The following XRCC4 variants were observed in gnomAD, a reference collection of about 807,000 sequenced individuals.
The protein encoded by XRCC4 is X-ray repair cross complementing 4, also known as DNA repair protein XRCC4.
In XRCC4, 28 loss-of-function variants were observed where a neutral mutation model predicts 39.1. The ratio of observed to expected loss-of-function variants is 0.72; its 90% CI spans 0.53 to 0.98. XRCC4 has a LOEUF of 0.98. Ranked by LOEUF, XRCC4 falls within the 50% of genes least tolerant of loss-of-function variation. The pLI is 0.00. For synonymous variants in XRCC4, 123 were observed against 126.4 expected (o/e 0.97, Z 0.18); for missense variants, 350 against 376.4 (o/e 0.93, Z 0.58).
chr5:83,125,986 CAAAAAAAAAA>C (rs35711158), intron 3 of XRCC4, among the ~76,000 whole-genome samples: 2 of 108,456 alleles, frequency 1.8e-5, no homozygotes, highest in South Asian at 6.3e-4. Flanking sequence ...TCCATCTCAT[CAAAAAAAAAA>C]AAAAAAAAAA....
At chr5:83,155,467 A>G (rs1311064419) in intron 3 of XRCC4, among the ~76,000 whole-genome samples, 1 of 152,190 alleles carries the variant, frequency 6.6e-6, no homozygotes, top group Non-Finnish European at 1.5e-5. Context: ...GTGGTATTAC[A>G]TGATGTGAAA....
chr5:83,366,402 C>A, the XRCC4 span, among the ~76,000 whole-genome samples: 1 of 152,144 alleles, frequency 6.6e-6, no homozygotes, highest in South Asian at 2.1e-4. Context: ...AAAAATACAC[C>A]CAGAATTAAA....
Position 83,087,955 on chromosome 5 carries a change from T to C in XRCC4, c.-11+10340T>C, listed in dbSNP as rs552864366. Among the ~76,000 whole-genome samples, 76 of 152,306 alleles carry C rather than the reference T, an allele frequency of 5.0e-4. 1 individual carries two copies. The highest frequency in any genetic ancestry group is 1.8e-3 in the African/African-American group (75 of 41,574). ...ATGCAGGCAGAATTGAATTTAATAA[T>C]ATACATTTCAATTGTTAAGGAAAAA... is the stretch of plus-strand genomic sequence containing the variant. On this transcript the variant is annotated intron_variant, in intron 1 of 7. Transcript: ENST00000396027.
Position 83,324,611 on chromosome 5 carries a change from G to A in XRCC4, c.894-28520G>A, listed in dbSNP as rs531328515. The stretch of plus-strand genomic sequence containing the variant: ...GCCATTTCTGTAGCTTTTTAGTGTA[G>A]CTAAAAGAAGGAAAATATAGTTTTT... On this transcript the variant is annotated intron_variant, in intron 7 of 7. Coordinates refer to ENST00000396027, the MANE Select transcript of XRCC4 (RefSeq NM_003401.5). Among the ~76,000 whole-genome samples, 130 of 152,154 alleles carry A rather than the reference G, an allele frequency of 8.5e-4. 1 individual carries two copies. The South Asian group carries it at 0.026, about 30-fold the overall frequency.
At chr5:83,353,055 T>C in intron 7 of XRCC4, 76 bp from the exon 8 acceptor site, 1 of 1,146,434 alleles carries the variant, frequency 8.7e-7, no homozygotes, top group Non-Finnish European at 1.2e-6. Context: ...TTCACTTATG[T>C]GTCTCTTCAT....
At chr5:83,311,007 A>T (rs567017429) in intron 7 of XRCC4, 1 of 313,616 alleles carries the variant, frequency 3.2e-6, no homozygotes, top group Admixed American at 4.1e-5. Flanking sequence ...GCCCCATAAC[A>T]GTCATTTCAG....
chr5:83,206,645 T>A (rs957171353), intron 6 of XRCC4, among the ~76,000 whole-genome samples: 2 of 151,912 alleles, frequency 1.3e-5, no homozygotes, highest in Admixed American at 6.6e-5. Flanking sequence ...GAGGAGGAAG[T>A]AGGATAAAGA....
chr5:83,253,811 C>G (rs1753420567), intron 6 of XRCC4, among the ~76,000 whole-genome samples: 1 of 152,172 alleles, frequency 6.6e-6, no homozygotes, highest in South Asian at 2.1e-4. Flanking sequence ...GCTTAGCCAA[C>G]AGTGTCATTT....
At chr5:83,304,150 C>G (rs1229722039) in intron 7 of XRCC4, among the ~76,000 whole-genome samples, 1 of 151,490 alleles carries the variant, frequency 6.6e-6, no homozygotes, top group East Asian at 1.9e-4. Flanking sequence ...GAATCATCTG[C>G]CCAAAATTAC....
At chr5:83,324,641 T>A (rs896251879) in intron 7 of XRCC4, among the ~76,000 whole-genome samples, 1 of 152,138 alleles carries the variant, frequency 6.6e-6, no homozygotes, top group Non-Finnish European at 1.5e-5. Context: ...GTTTTTAGTA[T>A]TCTAGGAAGA....
Position 83,233,653 on chromosome 5 carries a change from C to T in XRCC4, c.746-24877C>T, listed in dbSNP as rs368116326. ...CTGTAATCCCAACACTTTGGGAGGC[C>T]AAGGCAGGTGGATCATTTGAAATCA... On this transcript the variant is annotated intron_variant, in intron 6 of 7. Coordinates refer to ENST00000396027, the MANE Select transcript of XRCC4 (RefSeq NM_003401.5). 2.6e-4 allele frequency among the ~76,000 whole-genome samples: 39 copies of T among 149,082 alleles called. No individual in the cohort carries two copies. The East Asian group carries it at 7.3e-3, about 28-fold the overall frequency.
chr5:83,316,180 G>A (rs1397547085), intron 7 of XRCC4, among the ~76,000 whole-genome samples: 2 of 152,056 alleles, frequency 1.3e-5, no homozygotes, highest in Non-Finnish European at 2.9e-5. Context: ...ACTAGAATTA[G>A]AAGTGTAGTC....
chr5:83,111,950 A>T (rs1376861994), intron 3 of XRCC4, among the ~76,000 whole-genome samples: 1 of 152,166 alleles, frequency 6.6e-6, no homozygotes, highest in Non-Finnish European at 1.5e-5. Context: ...ACAGAAATGT[A>T]TTGAGAATTT....
intron 3 of XRCC4, among the ~76,000 whole-genome samples, chr5:83,152,429 C>T (rs907435475): frequency 1.3e-5 from 2 of 151,906 alleles, no homozygotes; most frequent in South Asian, 2.1e-4. Flanking sequence ...GTCAGGGATT[C>T]GAGACTCAGC....
intron 1 of XRCC4, among the ~76,000 whole-genome samples, chr5:83,085,863 A>G (rs1745158277): frequency 6.6e-6 from 1 of 152,230 alleles, no homozygotes; most frequent in Admixed American, 6.5e-5. Context: ...ATCATATTAT[A>G]GATCACCACT....
intron 3 of XRCC4, among the ~76,000 whole-genome samples, chr5:83,182,616 A>G (rs1750253194): frequency 6.6e-6 from 1 of 152,086 alleles, no homozygotes; most frequent in Non-Finnish European, 1.5e-5. Flanking sequence ...CAGTGTTTGA[A>G]TGTTTGTGTC....
At chr5:83,283,793 A>G (rs1360401747) in intron 7 of XRCC4, among the ~76,000 whole-genome samples, 1 of 152,024 alleles carries the variant, frequency 6.6e-6, no homozygotes, top group Non-Finnish European at 1.5e-5. Flanking sequence ...GTCTTAACTC[A>G]TCTCGGAGTT....
chr5:83,310,091 T>A (rs928992788), intron 7 of XRCC4, among the ~76,000 whole-genome samples: 1 of 152,210 alleles, frequency 6.6e-6, no homozygotes, highest in African/African-American at 2.4e-5. Flanking sequence ...TAGTCATATT[T>A]AAAGATAACT....
chr5:83,339,149 G>A (rs1756681635), intron 7 of XRCC4, among the ~76,000 whole-genome samples: 1 of 152,042 alleles, frequency 6.6e-6, no homozygotes, highest in African/African-American at 2.4e-5. Flanking sequence ...TTACAGTTTG[G>A]TTATATTTAA....
Sources: allele counts gnomAD v4.1 joint callset (sites outside exome capture counted in the v4.1 genomes callset), GRCh38; gene constraint gnomAD v4.1.1; transcripts MANE v1.5; gene names NCBI Gene and HGNC (gene_info 2026-07-23, HGNC 2026-07-21).